TMED8: variants seen among roughly 807,000 people sequenced by gnomAD.
TMED8 encodes transmembrane p24 trafficking protein family member 8, also known as protein TMED8.
A neutral mutation model predicts 32.7 loss-of-function variants in TMED8; 15 were observed. The ratio of observed to expected loss-of-function variants is 0.46; its 90% CI spans 0.31 to 0.71. The LOEUF (loss-of-function observed/expected upper bound fraction) is 0.71, where lower values mean the gene tolerates loss of function less well. Among genes scored for constraint, TMED8 ranks in the 30% least tolerant of loss-of-function variants. The pLI is 0.06. For synonymous variants in TMED8, 147 were observed against 161.4 expected, an observed-to-expected ratio of 0.91 and a Z score of 0.68; for missense variants, 390 against 423.9, an observed-to-expected ratio of 0.92 and a Z score of 0.70.
chr14:77,369,597 C>T (rs891848568), intron 1 of TMED8, among the ~76,000 whole-genome samples: 2 of 152,302 alleles, frequency 1.3e-5, no homozygotes, highest in South Asian at 2.1e-4. Context: ...CTTCCCCACT[C>T]AGGAATCCAG....
Position 77,369,773 on chromosome 14 carries a change from G to A in TMED8, c.118+7163C>T, listed in dbSNP as rs1345202314. On this transcript the variant is annotated intron_variant, in intron 1 of 5. Transcript: ENST00000216468. ...CCCATATTTTCTAATTGTCCCTGAT[G>A]AGAGATAATTACCTAGTCTGCTATT... Among the ~76,000 whole-genome samples, 2 of 152,166 alleles carry A rather than the reference G, an allele frequency of 1.3e-5. 1 individual carries two copies. Among genetic ancestry groups the A allele is most frequent in the East Asian group, 3.8e-4 (2 of 5,202 alleles).
At chr14:77,362,086 T>C (rs1416195379) in intron 1 of TMED8, among the ~76,000 whole-genome samples, 1 of 152,250 alleles carries the variant, frequency 6.6e-6, no homozygotes, top group Non-Finnish European at 1.5e-5. Context: ...TTTATTGATA[T>C]CATTTATTAA....
intron 1 of TMED8, among the ~76,000 whole-genome samples, chr14:77,353,841 CAAAG>C (rs1046060997): frequency 6.6e-6 from 1 of 152,164 alleles, no homozygotes; most frequent in Non-Finnish European, 1.5e-5. Context: ...TTTCTCCCAA[CAAAG>C]AAACACTGTT....
intron 3 of TMED8, among the ~76,000 whole-genome samples, chr14:77,344,615 A>G (rs1410489466): frequency 1.3e-5 from 2 of 152,168 alleles, no homozygotes; most frequent in African/African-American, 2.4e-5. Flanking sequence ...GTTTCATGCT[A>G]TTATACCTTA....
chr14:77,357,437 T>G (rs1893316345), intron 1 of TMED8, among the ~76,000 whole-genome samples: 2 of 152,200 alleles, frequency 1.3e-5, no homozygotes, highest in African/African-American at 4.8e-5. Flanking sequence ...ATTCTAGCAC[T>G]TTCTACAGTT....
In TMED8 at chr14:77,351,763, T is replaced by A. The variant is rs202015465; in HGVS notation, c.119-12A>T. ...TAGATCTTCATTCTCTAGAAAACCA[T>A]AGAAAGAAAGAATTCAATATCTGAG... On this transcript the variant is annotated splice_polypyrimidine_tract_variant and intron_variant, in intron 1 of 5. Transcript: ENST00000216468. The A allele has an allele frequency of 6.2e-7, 1 of 1,601,548 alleles. No individual in the cohort carries two copies. The highest frequency in any genetic ancestry group is 8.5e-7 in the Non-Finnish European group (1 of 1,172,100).
rs1246885398 is a variant in TMED8, at chr14:77,338,609, C to G, written c.*3162G>C. ...ATACCTTACATGTATTGATTTATGG[C>G]TTTGCCTGGACCTTCTGTCTCCCTC... On this transcript the variant is annotated 3_prime_UTR_variant, in exon 6 of 6. Transcript: ENST00000216468. 1 of 152,234 alleles carries G rather than the reference C, an allele frequency of 6.6e-6. No individual in the cohort carries two copies. Among genetic ancestry groups the G allele is most frequent in the Non-Finnish European group, 1.5e-5 (1 of 68,048 alleles). The allele number at this position is 152,234 out of a possible 1,614,324, so 9.4% of individuals were successfully genotyped here.
chr14:77,345,826 C>T (rs545146057), intron 3 of TMED8, among the ~76,000 whole-genome samples: 2 of 151,852 alleles, frequency 1.3e-5, no homozygotes, highest in African/African-American at 2.4e-5. Flanking sequence ...AAAAATTAGC[C>T]GGGTGTGGTG....
Position 77,340,303 on chromosome 14 carries a change from AG to A in TMED8, c.*1467del, listed in dbSNP as rs1892864714. 1 of 152,240 alleles carries A rather than the reference AG, an allele frequency of 6.6e-6. No homozygotes were observed. Among genetic ancestry groups the A allele is most frequent in the Non-Finnish European group, 1.5e-5 (1 of 68,052 alleles). 9.4% of individuals were successfully genotyped at this position (152,240 alleles called of 1,614,324 possible). On this transcript the variant is annotated 3_prime_UTR_variant, in exon 6 of 6. Transcript: ENST00000216468. ...AATATCATCTTTAACTCCATAAAAG[AG>A]GGGGCTTCAGTGGCTCAGAACAGAT...
chr14:77,343,830 A>G lies in TMED8; in HGVS notation c.328-7T>C. ...GAACTTGATACTTAGCCATCTGCAC[A>G]ACAGAACTCTGGTTAAAGGAGTATT... is the stretch of plus-strand genomic sequence containing the variant. On this transcript the variant is annotated splice_polypyrimidine_tract_variant and splice_region_variant and intron_variant, in intron 3 of 5. Transcript: ENST00000216468. 1 of 1,611,668 alleles carries G rather than the reference A, an allele frequency of 6.2e-7. No individual in the cohort carries two copies. The highest frequency in any genetic ancestry group is 8.5e-7 in the Non-Finnish European group (1 of 1,178,668).
chr14:77,337,453 A>G lies in TMED8; in HGVS notation c.*4318T>C, dbSNP rs1416739764. 1 of 151,956 alleles carries G rather than the reference A, an allele frequency of 6.6e-6. No homozygotes were observed. The highest frequency in any genetic ancestry group is 1.5e-5 in the Non-Finnish European group (1 of 68,022). The allele number at this position is 151,956 out of a possible 1,614,324, so 9.4% of individuals were successfully genotyped here. A position where few individuals can be genotyped will look rare whatever the true frequency, so the allele number is the denominator to read the frequency against. ...GCCCAGTCTGGAGTGCAGTGGCATG[A>G]TCTCGGCTCGCTGCAACCTCTGCCT... On this transcript the variant is annotated 3_prime_UTR_variant, in exon 6 of 6. Coordinates refer to ENST00000216468, the MANE Select transcript of TMED8 (RefSeq NM_213601.3).
chr14:77,359,838 G>A (rs1032150231), intron 1 of TMED8: 1 of 182,994 alleles, frequency 5.5e-6, no homozygotes, highest in African/African-American at 2.4e-5. Context: ...CACTCTGACA[G>A]TGAGAAAAAA....
intron 1 of TMED8, among the ~76,000 whole-genome samples, chr14:77,363,196 G>C (rs984658830): frequency 6.6e-6 from 1 of 152,150 alleles, no homozygotes; most frequent in South Asian, 2.1e-4. Context: ...CTCCAGAATA[G>C]ATCAGATGTT....
rs1233961626 is a variant in TMED8, at chr14:77,340,664, GAACA to G, written c.*1103_*1106del. On this transcript the variant is annotated 3_prime_UTR_variant, in exon 6 of 6. Coordinates refer to ENST00000216468, the MANE Select transcript of TMED8 (RefSeq NM_213601.3). ...GAAATGCAAGCTTTGGTCAGGTAAA[GAACA>G]AATACAATCAGCAGCAATAGTGAAG... 1.3e-5 allele frequency: 2 copies of G among 152,186 alleles called. No individual in the cohort carries two copies. Among genetic ancestry groups the G allele is most frequent in the Non-Finnish European group, 2.9e-5 (2 of 68,036 alleles). 9.4% of individuals were successfully genotyped at this position (152,186 alleles called of 1,614,324 possible).
At chr14:77,358,157 A>T (rs968192767) in intron 1 of TMED8, among the ~76,000 whole-genome samples, 1 of 143,750 alleles carries the variant, frequency 7.0e-6, no homozygotes, top group Non-Finnish European at 1.5e-5. Context: ...AATTGTATTT[A>T]AAGACCACAA....
At position 77,340,870 on chromosome 14, in the gene TMED8, G is replaced by A. The variant is rs1892879585; in HGVS notation, c.*901C>T. On this transcript the variant is annotated 3_prime_UTR_variant, in exon 6 of 6. Coordinates refer to ENST00000216468, the MANE Select transcript of TMED8 (RefSeq NM_213601.3). ...GACAAAAAAAAGCGGTGGGGACTCT[G>A]GAGTGTTTTTTGTTTTTCATCTTCT... is the stretch of plus-strand genomic sequence containing the variant. 6.6e-6 allele frequency: 1 copy of A among 151,544 alleles called. No homozygotes were observed. The highest frequency in any genetic ancestry group is 2.4e-5 in the African/African-American group (1 of 41,182). 9.4% of individuals were successfully genotyped at this position (151,544 alleles called of 1,614,324 possible). A position where few individuals can be genotyped will look rare whatever the true frequency, so the allele number is the denominator to read the frequency against.
chr14:77,367,215 C>A (rs1276332000), intron 1 of TMED8, among the ~76,000 whole-genome samples: 2 of 134,074 alleles, frequency 1.5e-5, no homozygotes, highest in Non-Finnish European at 3.1e-5. Context: ...GCACTCCAGC[C>A]TGGGTGACAG....
At chr14:77,359,668 T>C in intron 1 of TMED8, 1 of 322,050 alleles carries the variant, frequency 3.1e-6, no homozygotes, top group Non-Finnish European at 6.0e-6. Context: ...AACGCCATTC[T>C]GGTACACACA....
intron 3 of TMED8, among the ~76,000 whole-genome samples, chr14:77,345,337 T>A (rs1892999948): frequency 6.6e-6 from 1 of 152,228 alleles, no homozygotes; most frequent in African/African-American, 2.4e-5. Context: ...CTGACAAGGT[T>A]GTTCTCAGGA....
Sources: gnomAD v4.1 joint callset for allele counts (sites outside exome capture counted in the v4.1 genomes callset) on GRCh38, gnomAD v4.1.1 for gene constraint, MANE v1.5 for transcripts, NCBI Gene and HGNC (gene_info 2026-07-23, HGNC 2026-07-21) for gene names.